Variants in TNR observed in about 807,000 individuals in gnomAD.
The protein encoded by TNR is tenascin R, also known as tenascin-R.
A neutral mutation model predicts 150.4 loss-of-function variants in TNR; 45 were observed. The ratio of observed to expected loss-of-function variants is 0.30; its 90% confidence interval spans 0.24 to 0.38. TNR has a LOEUF of 0.38. Ranked by LOEUF, TNR falls within the 10% of genes least tolerant of loss-of-function variation. TNR has a pLI of 1.00. For synonymous variants in TNR, 687 were observed against 678.4 expected, an observed-to-expected ratio of 1.01 and a Z score of -0.20; for missense variants, 1,544 against 1,759.1, an observed-to-expected ratio of 0.88 and a Z score of 2.19.
intron 1 of TNR, among the ~76,000 whole-genome samples, chr1:175,677,511 C>A (rs1372190490): frequency 6.6e-6 from 1 of 152,194 alleles, no homozygotes; most frequent in Non-Finnish European, 1.5e-5. Flanking sequence ...GGCTGGGCAC[C>A]AAAGCAGAGA....
chr1:175,696,368 A>G (rs1666526638), intron 1 of TNR, among the ~76,000 whole-genome samples: 2 of 151,936 alleles, frequency 1.3e-5, no homozygotes, highest in African/African-American at 4.8e-5. Flanking sequence ...GAGAGGTTTA[A>G]CACGTGGAGA....
At chr1:175,584,073 C>T (rs1372024616) in intron 1 of TNR, among the ~76,000 whole-genome samples, 1 of 152,156 alleles carries the variant, frequency 6.6e-6, no homozygotes, top group Non-Finnish European at 1.5e-5. Context: ...CTATTAATGG[C>T]TAAATTGTAT....
rs1273733151 is a variant in TNR, at chr1:175,646,975, A to T, written c.-165+96251T>A. On this transcript the variant is annotated intron_variant, in intron 1 of 22. Transcript: ENST00000367674. Reference sequence around the variant, plus strand: ...AGTGGCTGAGCCAGGAGCTGACCCCATCTTTCCAGGCTCCCAGCTGCCCTC... The same window carrying T: ...AGTGGCTGAGCCAGGAGCTGACCCCTTCTTTCCAGGCTCCCAGCTGCCCTC... Among the ~76,000 whole-genome samples, 3 of 152,332 alleles carry T rather than the reference A, an allele frequency of 2.0e-5. No homozygotes were observed. In the East Asian group the frequency reaches 5.8e-4, roughly 29 times the overall value.
rs561672556 is a variant in TNR at position 175,437,173 on chromosome 1, C to T, written c.-63-30396G>A. ...GTAAAAGAACAGAAATTATAACAAA[C>T]TGTCTCTCAGACCACAGTGCAATCA... On this transcript the variant is annotated intron_variant, in intron 2 of 22. Transcript: ENST00000367674. Among the ~76,000 whole-genome samples the T allele has an allele frequency of 2.7e-3, 416 of 152,324 alleles. 1 individual carries two copies. The highest frequency in any genetic ancestry group is 4.9e-3 in the Non-Finnish European group (330 of 68,018).
At chr1:175,399,236 G>A (rs898493336) in intron 4 of TNR, among the ~76,000 whole-genome samples, 1 of 152,170 alleles carries the variant, frequency 6.6e-6, no homozygotes, top group Non-Finnish European at 1.5e-5. Context: ...TCCTATGCAG[G>A]ACTTCTGTCA....
Position 175,359,611 on chromosome 1 carries a change from C to G in TNR, c.2974+1G>C. The G allele has an allele frequency of 6.2e-7, 1 of 1,613,394 alleles. No individual in the cohort carries two copies. The highest frequency in any genetic ancestry group is 8.5e-7 in the Non-Finnish European group (1 of 1,179,784). The stretch of plus-strand genomic sequence containing the variant: ...TGATCTGCAGGCCTGCAGACACCCA[C>G]CTGCAAAGTGTGTAAGAACAATGAC... On this transcript the variant is annotated splice_donor_variant, in intron 15 of 22. Transcript: ENST00000367674. LOFTEE classifies it high-confidence loss of function.
chr1:175,461,798 T>A (rs1056196021), intron 2 of TNR, among the ~76,000 whole-genome samples: 8 of 152,220 alleles, frequency 5.3e-5, no homozygotes, highest in African/African-American at 1.9e-4. Flanking sequence ...ATTTTGCTTT[T>A]CTTCTCACAT....
At chr1:175,605,019 C>G (rs1663365432) in intron 1 of TNR, among the ~76,000 whole-genome samples, 1 of 152,144 alleles carries the variant, frequency 6.6e-6, no homozygotes, top group South Asian at 2.1e-4. Context: ...TCATCTTTAT[C>G]CTCTCTCCAG....
intron 6 of TNR, 118 bp downstream of exon 6, chr1:175,393,662 G>T: frequency 3.7e-6 from 3 of 805,376 alleles, no homozygotes; most frequent in South Asian, 1.5e-5. Context: ...GCCATTTTGT[G>T]TCTTTAATGG....
At chr1:175,391,801 T>C (rs1236905154) in intron 6 of TNR, among the ~76,000 whole-genome samples, 2 of 152,272 alleles carry the variant, frequency 1.3e-5, no homozygotes, top group Non-Finnish European at 2.9e-5. Flanking sequence ...CAGAGGTTTT[T>C]GGCATTTATC....
At chr1:175,613,079 G>A (rs1057427054) in intron 1 of TNR, among the ~76,000 whole-genome samples, 3 of 152,200 alleles carry the variant, frequency 2.0e-5, no homozygotes, top group Admixed American at 6.5e-5. Context: ...GATCCCTAAA[G>A]CTGTATGTTT....
At chr1:175,467,703 G>C (rs1657094556) in intron 2 of TNR, among the ~76,000 whole-genome samples, 1 of 152,192 alleles carries the variant, frequency 6.6e-6, no homozygotes, top group African/African-American at 2.4e-5. Flanking sequence ...ACAGGGCACA[G>C]AGGGCATGAG....
chr1:175,658,915 C>A (rs951344148), intron 1 of TNR, among the ~76,000 whole-genome samples: 5 of 152,150 alleles, frequency 3.3e-5, no homozygotes, highest in Non-Finnish European at 7.3e-5. Context: ...GCTTTCACAT[C>A]GATGTTTTAG....
intron 9 of TNR, among the ~76,000 whole-genome samples, chr1:175,376,730 C>T (rs749140524): frequency 1.1e-4 from 16 of 152,034 alleles, no homozygotes; most frequent in Non-Finnish European, 1.8e-4. Context: ...AGCATCTCAG[C>T]GAGTACAAAT....
chr1:175,628,156 T>C (rs534688109), intron 1 of TNR, among the ~76,000 whole-genome samples: 2 of 152,336 alleles, frequency 1.3e-5, no homozygotes, highest in Admixed American at 6.5e-5. Flanking sequence ...TCTGATGCCA[T>C]TGTCTGCAGA....
chr1:175,499,286 A>T (rs1658625677), intron 2 of TNR, among the ~76,000 whole-genome samples: 1 of 152,228 alleles, frequency 6.6e-6, no homozygotes, highest in African/African-American at 2.4e-5. Context: ...AATAATAATA[A>T]TCACAATTAA....
At position 175,354,374 on chromosome 1, in the gene TNR, T is replaced by G; in HGVS notation, c.3382+17A>C. 2 of 1,612,132 alleles carry G rather than the reference T, an allele frequency of 1.2e-6. No homozygotes were observed. Among genetic ancestry groups the G allele is most frequent in the Non-Finnish European group, 1.7e-6 (2 of 1,178,900 alleles). ...GGAAGTGGAGAAGAAGGCATCAAAG[T>G]GGCCATGCTCCCTCACCTGTGGTGA... On this transcript the variant is annotated intron_variant, in intron 18 of 22. Coordinates refer to ENST00000367674, the MANE Select transcript of TNR (RefSeq NM_003285.3).
intron 2 of TNR, among the ~76,000 whole-genome samples, chr1:175,407,253 T>C (rs563993920): frequency 6.6e-6 from 1 of 152,334 alleles, no homozygotes; most frequent in South Asian, 2.1e-4. Context: ...TCTCAGCTCA[T>C]CTATCCATAC....
At chr1:175,584,996 T>A (rs1276132194) in intron 1 of TNR, among the ~76,000 whole-genome samples, 2 of 152,214 alleles carry the variant, frequency 1.3e-5, no homozygotes, top group African/African-American at 4.8e-5. Context: ...CGTCATTGGT[T>A]TACTGGCTTC....
Sources: allele counts gnomAD v4.1 joint callset (sites outside exome capture counted in the v4.1 genomes callset), GRCh38; gene constraint gnomAD v4.1.1; transcripts MANE v1.5; gene names NCBI Gene and HGNC (gene_info 2026-07-23, HGNC 2026-07-21).